The following MEP1A variants were observed in gnomAD, a reference collection of about 807,000 sequenced individuals.
The protein encoded by MEP1A is N-benzoyl-L-tyrosyl-P-amino-benzoic acid hydrolase subunit alpha.
A neutral mutation model predicts 84.5 loss-of-function variants in MEP1A; 68 were observed. The ratio of observed to expected loss-of-function variants is 0.80; its 90% confidence interval spans 0.66 to 0.98. The LOEUF (loss-of-function observed/expected upper bound fraction) is 0.98, where lower values mean the gene tolerates loss of function less well. Ranked by LOEUF, MEP1A falls within the 50% of genes least tolerant of loss-of-function variation. MEP1A has a pLI of 0.00. For missense variants in MEP1A, 887 were observed against 919.9 expected, an observed-to-expected ratio of 0.96 and a Z score of 0.46; for synonymous variants, 337 against 336.8, an observed-to-expected ratio of 1.00 and a Z score of -0.01.
At chr6:46,842,423 G>T (rs572385600), downstream of MEP1A, among the ~76,000 whole-genome samples, 22 of 152,224 alleles carry the variant, frequency 1.4e-4, no homozygotes, top group South Asian at 3.5e-3. Context: ...ATGCATTCCT[G>T]GGGGGAGGTC....
chr6:46,840,271 AC>A (rs1196483439), downstream of MEP1A, among the ~76,000 whole-genome samples: 1 of 152,072 alleles, frequency 6.6e-6, no homozygotes, highest in Non-Finnish European at 1.5e-5. Context: ...TGAAAACAGC[AC>A]CCCTGAGGGC....
intron 5 of MEP1A, among the ~76,000 whole-genome samples, chr6:46,807,324 G>C (rs1035485259): frequency 2.6e-5 from 4 of 151,544 alleles, no homozygotes; most frequent in Admixed American, 6.6e-5. Flanking sequence ...GTTACAATGA[G>C]ACAAAAAGTA....
At chr6:46,842,004 T>G (rs1768339382), downstream of MEP1A, among the ~76,000 whole-genome samples, 1 of 152,214 alleles carries the variant, frequency 6.6e-6, no homozygotes, top group African/African-American at 2.4e-5. Flanking sequence ...TTATAATTTC[T>G]TATGCCCGTC....
chr6:46,796,645 T>C (rs1221476896), intron 3 of MEP1A, among the ~76,000 whole-genome samples: 1 of 152,224 alleles, frequency 6.6e-6, no homozygotes, highest in Non-Finnish European at 1.5e-5. Context: ...AATAAGTGTA[T>C]ACTACATGAA....
chr6:46,845,726 C>A, the MEP1A span, among the ~76,000 whole-genome samples: 1 of 152,282 alleles, frequency 6.6e-6, no homozygotes, highest in Non-Finnish European at 1.5e-5. Context: ...GAGACAACAA[C>A]ATAAAAGGAA....
downstream of MEP1A, chr6:46,839,923 A>ACCTCCACCTCACAGACACCTTGAGAACC (rs1768303934): frequency 6.6e-6 from 1 of 152,172 alleles, no homozygotes; most frequent in Non-Finnish European, 1.5e-5. Flanking sequence ...CATATTAACA[A>ACCTCCACCTCACAGACACCTTGAGAACC]ACTGAAGGTA....
chr6:46,825,986 C>T (rs780771999), intron 8 of MEP1A, among the ~76,000 whole-genome samples: 128 of 152,104 alleles, frequency 8.4e-4, no homozygotes, highest in Non-Finnish European at 8.5e-4. Context: ...TAAAGATGAT[C>T]CCCCTAGCCT....
intron 9 of MEP1A, among the ~76,000 whole-genome samples, chr6:46,827,614 C>T (rs188677060): frequency 1.8e-4 from 27 of 152,266 alleles, no homozygotes; most frequent in Admixed American, 1.2e-3. Flanking sequence ...AGATACCAGG[C>T]CACCACAGGG....
chr6:46,824,843 T>TGA (rs1562113568), intron 7 of MEP1A, among the ~76,000 whole-genome samples: 2,376 of 72,588 alleles, frequency 0.033, 311 homozygotes, highest in African/African-American at 0.05. Flanking sequence ...TATATATAAA[T>TGA]TATATATATA....
intron 7 of MEP1A, among the ~76,000 whole-genome samples, chr6:46,824,978 A>T (rs1212122313): frequency 1.5e-5 from 2 of 130,774 alleles, no homozygotes; most frequent in East Asian, 2.1e-4. Flanking sequence ...AATATATATA[A>T]ATTATATATT....
chr6:46,834,489 T>G (rs1190083099), intron 11 of MEP1A, 89 bp from the exon 12 acceptor site: 4 of 407,616 alleles, frequency 9.8e-6, no homozygotes, highest in Non-Finnish European at 1.8e-5. Flanking sequence ...TTATTTCTGA[T>G]TCACAAAGCC....
Position 46,819,586 on chromosome 6 carries a change from A to T in MEP1A, c.438A>T (p.Gly146=). Residue 146 remains glycine (G), a synonymous_variant, in exon 7 of 14, where the codon GGA becomes GGT. Transcript: ENST00000230588. ...GACAGAACATTTCCATTGGCCAAGGATGTGCCTATAAGGCCATCATAGAAC... is the reference window on the plus strand; with the variant it reads ...GACAGAACATTTCCATTGGCCAAGGTTGTGCCTATAAGGCCATCATAGAAC... ...HVGQNISIGQ[G]CAYKAIIEHE... is the part of the protein sequence containing the mutation. 1.2e-6 allele frequency: 2 copies of T among 1,614,092 alleles called. No individual in the cohort carries two copies. Among genetic ancestry groups the T allele is most frequent in the Non-Finnish European group, 1.7e-6 (2 of 1,180,008 alleles).
chr6:46,800,186 G>A (rs1767162852), intron 5 of MEP1A, among the ~76,000 whole-genome samples: 1 of 152,110 alleles, frequency 6.6e-6, no homozygotes. Context: ...CTTTAAAAGG[G>A]GTTCTTTCCC....
At position 46,793,430 on chromosome 6, in the gene MEP1A, T is replaced by C. The variant is rs769796072; in HGVS notation, c.32T>C (p.Phe11Ser). 4.4e-6 allele frequency: 7 copies of C among 1,600,176 alleles called. No individual in the cohort carries two copies. In the South Asian group the frequency reaches 4.6e-5, roughly 10 times the overall value. ...TGGATTAGATCCACTTGCATTCTCT[T>C]TTTTACCTTGCTTTTTGCCCACATA... MAWIRSTCILFFTLLFAHIAA... is the reference protein window; with the variant it reads MAWIRSTCILSFTLLFAHIAA... Residue 11 changes from phenylalanine (F) to serine (S), a missense_variant, in exon 1 of 14, where the codon TTT becomes TCT. Phe to Ser is a radical substitution (Grantham distance 155). Transcript: ENST00000230588.
chr6:46,800,467 A>G (rs1224229761), intron 5 of MEP1A, among the ~76,000 whole-genome samples: 1 of 152,172 alleles, frequency 6.6e-6, no homozygotes, highest in Non-Finnish European at 1.5e-5. Context: ...CTTAAGTAGT[A>G]AGGTCTCTCT....
chr6:46,801,464 ATTGT>A (rs775129278), intron 5 of MEP1A, among the ~76,000 whole-genome samples: 54 of 152,042 alleles, frequency 3.6e-4, no homozygotes, highest in African/African-American at 4.6e-4. Flanking sequence ...TAAAAATTAT[ATTGT>A]TTGTCTTTTT....
chr6:46,833,541 G>T lies in MEP1A; in HGVS notation c.1609+3G>T. The T allele has an allele frequency of 6.2e-7, 1 of 1,611,444 alleles. No individual in the cohort carries two copies. The highest frequency in any genetic ancestry group is 8.5e-7 in the Non-Finnish European group (1 of 1,178,036). Reference sequence around the variant, plus strand: ...CTCGAAGTCGCACACATCTCCAGGTGGGTGGTGTCAGCGCAAATAAGAACT... The same window carrying T: ...CTCGAAGTCGCACACATCTCCAGGTTGGTGGTGTCAGCGCAAATAAGAACT... On this transcript the variant is annotated splice_donor_region_variant and intron_variant, in intron 11 of 13. Coordinates refer to ENST00000230588, the MANE Select transcript of MEP1A (RefSeq NM_005588.3).
rs1347684798 is a variant in MEP1A at position 46,826,424 on chromosome 6, C to G, written c.849C>G (p.Thr283=). 6.2e-7 allele frequency: 1 copy of G among 1,609,328 alleles called. No individual in the cohort carries two copies. The highest frequency in any genetic ancestry group is 8.5e-7 in the Non-Finnish European group (1 of 1,177,814). ...KANICGMIQG[T]RDDTDWAHQD... ...ACATCTGTGGAATGATTCAGGGCACCAGAGATGACACTGACTGGGCCCATC... is the reference window on the plus strand; with the variant it reads ...ACATCTGTGGAATGATTCAGGGCACGAGAGATGACACTGACTGGGCCCATC... Residue 283 remains threonine, a synonymous_variant, in exon 9 of 14, where the codon ACC becomes ACG. Transcript: ENST00000230588.
chr6:46,842,271 G>A (rs377335590), downstream of MEP1A, among the ~76,000 whole-genome samples: 56 of 152,296 alleles, frequency 3.7e-4, 1 homozygote, highest in South Asian at 0.011. Context: ...AAAAAGGAAG[G>A]TAACCATAAG....
Sources: allele counts gnomAD v4.1 joint callset (sites outside exome capture counted in the v4.1 genomes callset), GRCh38; gene constraint gnomAD v4.1.1; transcripts MANE v1.5; gene names NCBI Gene and HGNC (gene_info 2026-07-23, HGNC 2026-07-21).